The following TWF2 variants were observed in gnomAD, a reference collection of about 807,000 sequenced individuals.
The protein encoded by TWF2 is twinfilin actin binding protein 2.
A neutral mutation model predicts 45.1 loss-of-function variants in TWF2; 15 were observed. The ratio of observed to expected loss-of-function variants is 0.33; its 90% CI spans 0.22 to 0.51. TWF2 has a LOEUF of 0.51. TWF2 is among the 20% of genes least tolerant of loss of function. TWF2 has a pLI of 0.97. For synonymous variants in TWF2, 177 were observed against 195.8 expected, an observed-to-expected ratio of 0.90 and a Z score of 0.80; for missense variants, 423 against 469.1, an observed-to-expected ratio of 0.90 and a Z score of 0.91.
At chr3:52,229,335 C>G in intron 8 of TWF2, 134 bp from the exon 9 acceptor site, 1 of 1,296,118 alleles carries the variant, frequency 7.7e-7, no homozygotes, top group South Asian at 1.5e-5. Flanking sequence ...CCCCTTGATT[C>G]CCCACCTGGA....
At chr3:52,230,190 CCCAAG>C (rs1699665824) in intron 6 of TWF2, 120 bp from the exon 7 acceptor site, 1 of 1,307,920 alleles carries the variant, frequency 7.6e-7, no homozygotes, top group African/African-American at 1.5e-5. Flanking sequence ...ACCTCCCTCT[CCCAAG>C]ACTCCCCTGC....
chr3:52,237,901 G>T (rs947686231), intron 1 of TWF2, among the ~76,000 whole-genome samples: 2 of 152,208 alleles, frequency 1.3e-5, no homozygotes, highest in Non-Finnish European at 2.9e-5. Flanking sequence ...TGGTGGGAGG[G>T]GTGGCTGATG....
chr3:52,233,958 G>C (rs1046919965), intron 2 of TWF2, among the ~76,000 whole-genome samples: 1 of 151,786 alleles, frequency 6.6e-6, no homozygotes, highest in Non-Finnish European at 1.5e-5. Context: ...ATCTTGTCTG[G>C]GAGGCAACAG....
intron 6 of TWF2, 138 bp from the exon 7 acceptor site, chr3:52,230,208 T>C (rs1699665942): frequency 1.7e-6 from 2 of 1,193,422 alleles, no homozygotes; most frequent in Non-Finnish European, 2.3e-6. Flanking sequence ...TCCCCTGCAA[T>C]GGCCATCCCT....
At chr3:52,238,292 G>A (rs1055502167) in intron 1 of TWF2, among the ~76,000 whole-genome samples, 1 of 152,222 alleles carries the variant, frequency 6.6e-6, no homozygotes, top group East Asian at 1.9e-4. Context: ...GGAGGTCAGA[G>A]GTCAAGGTCA....
Position 52,235,033 on chromosome 3 carries a change from C to T in TWF2, c.99G>A (p.Glu33=). Residue 33 remains glutamate, a synonymous_variant, in exon 2 of 9, where the codon GAG becomes GAA. Coordinates refer to ENST00000305533, the MANE Select transcript of TWF2 (RefSeq NM_007284.4). ...TGGCCTGTGAGGGGCACTCACCGTC[C>T]TCAATCACAACCTTGATGAGCCGCA... ...GSVRLIKVVI[E]DEQLVLGASQ... is the part of the protein sequence containing the mutation. The T allele has an allele frequency of 6.2e-7, 1 of 1,613,788 alleles. No homozygotes were observed.
In TWF2 at chr3:52,231,989, C is replaced by T. The variant is rs1486274506; in HGVS notation, c.237G>A (p.Gln79=). The stretch of plus-strand genomic sequence containing the variant: ...AGGCGAGGAAGAGCCATTCGAAGCC[C>T]TGAGCATTCTGTGAGTCGAGGCGGT... ...LLYRLDSQNA[Q]GFEWLFLAWS... The change falls in exon 3 of 9, where the codon CAG becomes CAA. Residue 79 remains glutamine, a synonymous_variant. Transcript: ENST00000305533. 6 of 1,614,098 alleles carry T rather than the reference C, an allele frequency of 3.7e-6. No homozygotes were observed. In the South Asian group the frequency reaches 6.6e-5, roughly 18 times the overall value.
intron 3 of TWF2, 147 bp downstream of exon 3, chr3:52,231,797 C>A: frequency 8.1e-7 from 1 of 1,238,832 alleles, no homozygotes; most frequent in East Asian, 2.4e-5. Context: ...TTGACCCTCT[C>A]TCAGACTCCC....
rs1435115250 is a variant in TWF2 at position 52,232,112 on chromosome 3, C to A, written c.114G>T (p.Val38=). 12 of 1,591,002 alleles carry A rather than the reference C, an allele frequency of 7.5e-6. No homozygotes were observed. The highest frequency in any genetic ancestry group is 1.0e-5 in the Non-Finnish European group (12 of 1,168,838). The change falls in exon 3 of 9, where the codon GTG becomes GTT. Residue 38 remains valine, a synonymous_variant. Transcript: ENST00000305533. The part of the protein sequence containing the change: ...IKVVIEDEQL[V]LGASQEPVGR... The stretch of plus-strand genomic sequence containing the variant: ...CTACTGGCTCCTGCGAGGCACCCAG[C>A]ACGAGCTGCTCTGGGGGCAGAGGCC...
chr3:52,236,558 C>T (rs1262080262), intron 1 of TWF2, among the ~76,000 whole-genome samples: 1 of 152,140 alleles, frequency 6.6e-6, no homozygotes, highest in Admixed American at 6.5e-5. Context: ...GGAATTCCGT[C>T]AGGAACACAG....
intron 5 of TWF2, 65 bp from the exon 6 acceptor site, chr3:52,231,060 G>C: frequency 6.2e-7 from 1 of 1,610,096 alleles, no homozygotes; most frequent in South Asian, 1.1e-5. Flanking sequence ...CTCCCAGGCA[G>C]CACAGGCTGC....
intron 2 of TWF2, among the ~76,000 whole-genome samples, chr3:52,232,420 G>A (rs1699687718): frequency 6.6e-6 from 1 of 151,824 alleles, no homozygotes; most frequent in Admixed American, 6.6e-5. Flanking sequence ...AAGACACGCA[G>A]CCGTCAGCCC....
At chr3:52,230,466 A>C (rs1699667642) in intron 6 of TWF2, among the ~76,000 whole-genome samples, 1 of 152,218 alleles carries the variant, frequency 6.6e-6, no homozygotes, top group Non-Finnish European at 1.5e-5. Context: ...CAGCCGGAAC[A>C]GCCAGGGCAG....
Position 52,235,059 on chromosome 3 carries a change from C to T in TWF2, c.73G>A (p.Val25Met), listed in dbSNP as rs1443391799. The T allele has an allele frequency of 3.7e-6, 6 of 1,613,998 alleles. No homozygotes were observed. The highest frequency in any genetic ancestry group is 5.1e-6 in the Non-Finnish European group (6 of 1,180,038). The change falls in exon 2 of 9, where the codon GTG (valine) becomes ATG (methionine). Residue 25 changes from valine to methionine, a missense_variant. Transcript: ENST00000305533. ...EFFAKARAGS[V>M]RLIKVVIEDE... ...TCAATCACAACCTTGATGAGCCGCA[C>T]AGAGCCAGCCCGTGCCTTGGCAAAG...
At chr3:52,230,290 A>G (rs1699666593) in intron 6 of TWF2, among the ~76,000 whole-genome samples, 1 of 152,178 alleles carries the variant, frequency 6.6e-6, no homozygotes, top group Non-Finnish European at 1.5e-5. Flanking sequence ...GTTGTGCTAG[A>G]GAAGGAACTC....
intron 1 of TWF2, among the ~76,000 whole-genome samples, chr3:52,237,036 C>G (rs1273504877): frequency 6.6e-6 from 1 of 152,146 alleles, no homozygotes; most frequent in East Asian, 1.9e-4. Context: ...CTATTAATAA[C>G]AATTAATCTT....
chr3:52,229,318 G>A, intron 8 of TWF2, 117 bp from the exon 9 acceptor site: 3 of 1,397,028 alleles, frequency 2.1e-6, no homozygotes, highest in Non-Finnish European at 2.9e-6. Flanking sequence ...GGGGTCTCCT[G>A]AGGTCTCCCC....
intron 1 of TWF2, 109 bp from the exon 2 acceptor site, chr3:52,235,215 A>T (rs1321517684): frequency 1.9e-6 from 2 of 1,079,222 alleles, no homozygotes; most frequent in Non-Finnish European, 2.7e-6. Flanking sequence ...GAACCAGGTT[A>T]AATACAGCCC....
At chr3:52,229,232 T>A in intron 8 of TWF2, 31 bp from the exon 9 acceptor site, 1 of 1,604,204 alleles carries the variant, frequency 6.2e-7, no homozygotes, top group Non-Finnish European at 8.5e-7. Context: ...GTCACCCCAA[T>A]GGGAGGGGCT....
Sources: gnomAD v4.1 joint callset for allele counts (sites outside exome capture counted in the v4.1 genomes callset) on GRCh38, gnomAD v4.1.1 for gene constraint, MANE v1.5 for transcripts, NCBI Gene and HGNC (gene_info 2026-07-23, HGNC 2026-07-21) for gene names.